DLGAP1: variants seen among roughly 807,000 people sequenced by gnomAD.
The protein encoded by DLGAP1 is disks large-associated protein 1.
Under a neutral mutation model 90.8 loss-of-function variants are expected in DLGAP1, and 11 were observed. The observed-to-expected ratio is 0.12, with a 90% CI of 0.08 to 0.20. DLGAP1 has a LOEUF of 0.20. Ranked by LOEUF, DLGAP1 falls within the 10% of genes least tolerant of loss-of-function variation. The pLI is 1.00. For synonymous variants in DLGAP1, 558 were observed against 540.7 expected, an observed-to-expected ratio of 1.03 and a Z score of -0.44; for missense variants, 1,050 against 1,333.8, an observed-to-expected ratio of 0.79 and a Z score of 3.31.
chr18:3,655,975 A>G, intron 7 of DLGAP1: 1 of 1,042,690 alleles, frequency 9.6e-7, no homozygotes, highest in Non-Finnish European at 1.4e-6. Flanking sequence ...AATAGCTGGC[A>G]ATTCGCACAT....
At chr18:4,235,044 T>C (rs1001030323) in intron 1 of DLGAP1, among the ~76,000 whole-genome samples, 5 of 152,182 alleles carry the variant, frequency 3.3e-5, no homozygotes, top group African/African-American at 1.2e-4. Flanking sequence ...GCTTCCTGAC[T>C]TCTGCCCAGT....
intron 3 of DLGAP1, among the ~76,000 whole-genome samples, chr18:4,003,912 G>T (rs1319243058): frequency 8.5e-5 from 13 of 152,204 alleles, no homozygotes; most frequent in Admixed American, 7.9e-4. Context: ...ATGATTTGAA[G>T]ACAGAGAAGT....
intron 4 of DLGAP1, chr18:3,845,638 G>C (rs914198439): frequency 1.0e-6 from 1 of 983,372 alleles, no homozygotes; most frequent in Non-Finnish European, 1.2e-6. Context: ...CTGGGCTATT[G>C]ATCACTTTGC....
chr18:3,784,139 TTGTG>T (rs1958681751), intron 5 of DLGAP1, among the ~76,000 whole-genome samples: 1 of 152,028 alleles, frequency 6.6e-6, no homozygotes, highest in African/African-American at 2.4e-5. Context: ...CAAATTGTGT[TTGTG>T]TGTATGTTTG....
chr18:4,065,528 A>C (rs1162092426), intron 2 of DLGAP1, among the ~76,000 whole-genome samples: 2 of 152,114 alleles, frequency 1.3e-5, no homozygotes, highest in Non-Finnish European at 2.9e-5. Flanking sequence ...TACACCAACA[A>C]CAGCCAAGCT....
At chr18:4,389,277 A>G (rs1396176585) in intron 1 of DLGAP1, among the ~76,000 whole-genome samples, 1 of 152,238 alleles carries the variant, frequency 6.6e-6, no homozygotes, top group Non-Finnish European at 1.5e-5. Context: ...TGAATACTTT[A>G]TGATTCTACT....
intron 2 of DLGAP1, among the ~76,000 whole-genome samples, chr18:4,032,717 G>C (rs935897405): frequency 6.7e-6 from 1 of 149,848 alleles, no homozygotes; most frequent in Non-Finnish European, 1.5e-5. Flanking sequence ...AATGGATTTA[G>C]GGGCTAGTAG....
rs982967408 is a variant in DLGAP1 at position 3,497,232 on chromosome 18, G to C, written c.*1953C>G. ...GTGTGACTTTTAATTGCTGCTACAA[G>C]GTAAAGAAAAGGTGTATTCTTTTTA... On this transcript the variant is annotated 3_prime_UTR_variant, in exon 13 of 13. Coordinates refer to ENST00000315677, the MANE Select transcript of DLGAP1 (RefSeq NM_004746.4). The C allele has an allele frequency of 6.6e-6, 1 of 152,136 alleles. No individual in the cohort carries two copies. Among genetic ancestry groups the C allele is most frequent in the East Asian group, 1.9e-4 (1 of 5,182 alleles). 9.4% of individuals were successfully genotyped at this position (152,136 alleles called of 1,614,324 possible).
intron 4 of DLGAP1, among the ~76,000 whole-genome samples, chr18:3,876,028 A>C (rs2070994242): frequency 6.8e-6 from 1 of 148,118 alleles, no homozygotes; most frequent in South Asian, 2.1e-4. Context: ...TAGAGCTGAA[A>C]AAAAAAAAAA....
At chr18:3,796,865 A>G (rs1372027931) in intron 5 of DLGAP1, among the ~76,000 whole-genome samples, 1 of 152,248 alleles carries the variant, frequency 6.6e-6, no homozygotes, top group East Asian at 1.9e-4. Flanking sequence ...ATTATACTCA[A>G]AGATAGAAAA....
intron 3 of DLGAP1, among the ~76,000 whole-genome samples, chr18:3,926,517 T>C (rs2072392947): frequency 6.6e-6 from 1 of 151,842 alleles, no homozygotes; most frequent in Non-Finnish European, 1.5e-5. Flanking sequence ...CATTTGACCA[T>C]ATGCACATAT....
chr18:4,287,978 G>A (rs1023767750), intron 1 of DLGAP1, among the ~76,000 whole-genome samples: 29 of 152,252 alleles, frequency 1.9e-4, no homozygotes, highest in African/African-American at 7.0e-4. Context: ...ACTGAGAAGA[G>A]AGTGAACATT....
rs1364036836 is a variant in DLGAP1, at chr18:3,711,086, G to A, written c.1591+18049C>T. ...ACGACAGAGGAAGTCAGAGAGCCAGGAGGGGCCGCCCTGGGCAAGGTCTGG... is the reference window on the plus strand; with the variant it reads ...ACGACAGAGGAAGTCAGAGAGCCAGAAGGGGCCGCCCTGGGCAAGGTCTGG... On this transcript the variant is annotated intron_variant, in intron 7 of 12. Coordinates refer to ENST00000315677, the MANE Select transcript of DLGAP1 (RefSeq NM_004746.4). The surrounding 1 kb of genome is among the most constrained non-coding windows in gnomAD (Gnocchi z 4.0). 6.6e-6 allele frequency among the ~76,000 whole-genome samples: 1 copy of A among 152,238 alleles called. No homozygotes were observed. Among genetic ancestry groups the A allele is most frequent in the African/African-American group, 2.4e-5 (1 of 41,470 alleles).
At chr18:3,897,962 T>TTG (rs1484761748) in intron 3 of DLGAP1, among the ~76,000 whole-genome samples, 1 of 151,308 alleles carries the variant, frequency 6.6e-6, no homozygotes, top group East Asian at 1.9e-4. Flanking sequence ...GCCCGGCTAA[T>TTG]TTTTTGTATT....
In DLGAP1 at chr18:3,827,043, A is replaced by G. The variant is rs368794884; in HGVS notation, c.958-12770T>C. Among the ~76,000 whole-genome samples the G allele has an allele frequency of 2.6e-5, 4 of 152,280 alleles. No homozygotes were observed. In the East Asian group the frequency reaches 7.7e-4, roughly 29 times the overall value. Reference sequence around the variant, plus strand: ...TTAGCTGAGATGACAAGGCCTAAAGAAGGAGTAGACTCAGGATGGAAATTA... The same window carrying G: ...TTAGCTGAGATGACAAGGCCTAAAGGAGGAGTAGACTCAGGATGGAAATTA... On this transcript the variant is annotated intron_variant, in intron 4 of 12. Coordinates refer to ENST00000315677, the MANE Select transcript of DLGAP1 (RefSeq NM_004746.4).
chr18:3,621,147 A>G (rs1157703730), intron 7 of DLGAP1, among the ~76,000 whole-genome samples: 1 of 152,202 alleles, frequency 6.6e-6, no homozygotes, highest in East Asian at 1.9e-4. Context: ...TCACACCTGT[A>G]GTCCCAGCAC....
intron 1 of DLGAP1, among the ~76,000 whole-genome samples, chr18:4,273,020 C>T (rs190176046): frequency 6.6e-6 from 1 of 152,196 alleles, no homozygotes; most frequent in East Asian, 1.9e-4. Context: ...TCATCAAGGG[C>T]CTTCAGAGAG....
chr18:3,823,114 G>A (rs1317907432), intron 4 of DLGAP1, among the ~76,000 whole-genome samples: 1 of 152,214 alleles, frequency 6.6e-6, no homozygotes, highest in Non-Finnish European at 1.5e-5. Context: ...CAAGCCTCCT[G>A]ATTTTGCTTT....
chr18:3,843,517 T>C (rs2068836089), intron 4 of DLGAP1, among the ~76,000 whole-genome samples: 1 of 152,196 alleles, frequency 6.6e-6, no homozygotes, highest in Non-Finnish European at 1.5e-5. Context: ...TAGATCAATC[T>C]ATAGGTTCTG....
Sources: allele counts gnomAD v4.1 joint callset (sites outside exome capture counted in the v4.1 genomes callset), GRCh38; gene constraint gnomAD v4.1.1; non-coding constraint Gnocchi (gnomAD v3.1); transcripts MANE v1.5; gene names NCBI Gene and HGNC (gene_info 2026-07-23, HGNC 2026-07-21).